The following CNBD1 variants were observed in gnomAD, a reference collection of about 807,000 sequenced individuals.
The protein encoded by CNBD1 is cyclic nucleotide binding domain containing 1.
A neutral mutation model predicts 54.4 loss-of-function variants in CNBD1; 71 were observed. That is an observed-to-expected ratio of 1.30 (90% CI 1.08 to 1.59). The LOEUF is 1.59. Among genes scored for constraint, CNBD1 ranks in the 40% most tolerant of loss-of-function variants. The pLI is 0.00. For synonymous variants in CNBD1, 182 were observed against 170.7 expected, an observed-to-expected ratio of 1.07 and a Z score of -0.51; for missense variants, 659 against 518.0, an observed-to-expected ratio of 1.27 and a Z score of -2.64.
At chr8:87,145,377 C>G (rs924674355) in intron 4 of CNBD1, among the ~76,000 whole-genome samples, 1 of 152,036 alleles carries the variant, frequency 6.6e-6, no homozygotes, top group African/African-American at 2.4e-5. Context: ...AAATAAATAT[C>G]TTTTTAGATA....
chr8:87,011,446 TTTTG>T (rs1809220125), intron 4 of CNBD1, among the ~76,000 whole-genome samples: 2 of 152,206 alleles, frequency 1.3e-5, no homozygotes, highest in Non-Finnish European at 2.9e-5. Flanking sequence ...AAATATTGTC[TTTTG>T]TTTATTTGTT....
chr8:86,933,990 A>C (rs980849445), intron 3 of CNBD1, among the ~76,000 whole-genome samples: 1 of 152,172 alleles, frequency 6.6e-6, no homozygotes, highest in Non-Finnish European at 1.5e-5. Context: ...TATATTGTAC[A>C]GTGGCTACTT....
chr8:86,915,058 G>C (rs1236730737), intron 3 of CNBD1, among the ~76,000 whole-genome samples: 17 of 152,176 alleles, frequency 1.1e-4, no homozygotes, highest in Admixed American at 1.1e-3. Flanking sequence ...ACTCAAATCA[G>C]TTTCTCAGAG....
intron 4 of CNBD1, among the ~76,000 whole-genome samples, chr8:87,128,491 C>T (rs958389187): frequency 2.0e-5 from 3 of 152,156 alleles, no homozygotes; most frequent in South Asian, 2.1e-4. Flanking sequence ...TCAGGGAACT[C>T]GCCTATTTCA....
At chr8:87,319,139 A>G (rs1329500349) in intron 8 of CNBD1, among the ~76,000 whole-genome samples, 3 of 152,152 alleles carry the variant, frequency 2.0e-5, no homozygotes, top group Non-Finnish European at 4.4e-5. Flanking sequence ...CTGAGAGCAC[A>G]TGAAGGATAT....
intron 2 of CNBD1, among the ~76,000 whole-genome samples, chr8:87,421,963 C>A (rs1444932176): frequency 1.3e-5 from 2 of 149,810 alleles, no homozygotes; most frequent in East Asian, 3.9e-4. Flanking sequence ...TAATGATCGC[C>A]ATTCTAACTG....
At position 87,288,275 on chromosome 8, in the gene CNBD1, C is replaced by T. The variant is rs565431988; in HGVS notation, c.1042+1604C>T. ...CCATATTTGCTATTTTTCATGGTTG[C>T]TTTATTTTTTATGGTTGTTTTGGAT... is the stretch of plus-strand genomic sequence containing the variant. On this transcript the variant is annotated intron_variant, in intron 8 of 10. Coordinates refer to ENST00000518476, the MANE Select transcript of CNBD1 (RefSeq NM_173538.3). 2.0e-4 allele frequency among the ~76,000 whole-genome samples: 31 copies of T among 151,906 alleles called. 1 individual carries two copies. The South Asian group carries it at 6.0e-3, about 29-fold the overall frequency.
chr8:87,004,765 A>C (rs918146496), intron 4 of CNBD1, among the ~76,000 whole-genome samples: 2 of 152,248 alleles, frequency 1.3e-5, no homozygotes, highest in African/African-American at 4.8e-5. Flanking sequence ...TTAGGTTTTA[A>C]TTCGAACAAT....
chr8:87,321,021 T>A (rs552988373), intron 8 of CNBD1, among the ~76,000 whole-genome samples: 19 of 152,290 alleles, frequency 1.2e-4, no homozygotes, highest in African/African-American at 4.3e-4. Context: ...TGCATCCATG[T>A]TGCAGAATAT....
chr8:87,025,176 C>CGTAAAATGGACCAATCAGCACTCT (rs1482904523), intron 4 of CNBD1, among the ~76,000 whole-genome samples: 1 of 143,538 alleles, frequency 7.0e-6, no homozygotes, highest in African/African-American at 3.0e-5. Flanking sequence ...ATCAGCACTC[C>CGTAAAATGGACCAATCAGCACTCT]GTAAAATGGA....
intron 8 of CNBD1, among the ~76,000 whole-genome samples, chr8:87,303,248 T>A (rs1334254511): frequency 6.0e-5 from 9 of 151,198 alleles, no homozygotes; most frequent in Non-Finnish European, 1.3e-4. Flanking sequence ...ACTACAAGGC[T>A]ACAGTAACCA....
intron 2 of CNBD1, among the ~76,000 whole-genome samples, chr8:87,407,886 T>A (rs1278213674): frequency 6.6e-6 from 1 of 152,046 alleles, no homozygotes; most frequent in Admixed American, 6.6e-5. Flanking sequence ...TTTATATACA[T>A]GAGTTAGATT....
At chr8:86,919,249 T>C (rs1809235130) in intron 3 of CNBD1, among the ~76,000 whole-genome samples, 1 of 152,148 alleles carries the variant, frequency 6.6e-6, no homozygotes, top group African/African-American at 2.4e-5. Context: ...TACACACTCC[T>C]TTTGGTGTTA....
chr8:87,361,709 T>TATA (rs1554582984), intron 10 of CNBD1, among the ~76,000 whole-genome samples: 1 of 150,272 alleles, frequency 6.7e-6, no homozygotes, highest in Non-Finnish European at 1.5e-5. Flanking sequence ...TATATATATA[T>TATA]TCTTGTTCAC....
chr8:86,993,814 C>G (rs1161310305), intron 4 of CNBD1, among the ~76,000 whole-genome samples: 1 of 152,206 alleles, frequency 6.6e-6, no homozygotes, highest in Non-Finnish European at 1.5e-5. Flanking sequence ...AGCCACATGG[C>G]TCTTTTATAT....
intron 3 of CNBD1, among the ~76,000 whole-genome samples, chr8:86,923,172 C>G (rs1487704994): frequency 1.3e-5 from 2 of 152,140 alleles, no homozygotes; most frequent in Non-Finnish European, 2.9e-5. Flanking sequence ...GGAGTGGACC[C>G]GAGCAGGCGG....
At chr8:87,003,796 T>C (rs1444666949) in intron 4 of CNBD1, among the ~76,000 whole-genome samples, 1 of 152,140 alleles carries the variant, frequency 6.6e-6, no homozygotes, top group East Asian at 1.9e-4. Flanking sequence ...GTGGTAACAG[T>C]GGGCTGGATC....
chr8:87,426,805 C>T (rs1480420662), intron 2 of CNBD1, among the ~76,000 whole-genome samples: 1 of 152,128 alleles, frequency 6.6e-6, no homozygotes, highest in Non-Finnish European at 1.5e-5. Context: ...CAAAAAATTT[C>T]ATTTGTGTAT....
chr8:87,168,235 C>T (rs935454233), intron 4 of CNBD1, among the ~76,000 whole-genome samples: 1 of 151,946 alleles, frequency 6.6e-6, no homozygotes, highest in African/African-American at 2.4e-5. Context: ...TATATGAACA[C>T]ATTTAAACAT....
Sources: allele counts gnomAD v4.1 joint callset (sites outside exome capture counted in the v4.1 genomes callset), GRCh38; gene constraint gnomAD v4.1.1; transcripts MANE v1.5; gene names NCBI Gene and HGNC (gene_info 2026-07-23, HGNC 2026-07-21).